PTPRT: variants seen among roughly 807,000 people sequenced by gnomAD.
The protein encoded by PTPRT is protein tyrosine phosphatase receptor type T.
In PTPRT, 56 loss-of-function variants were observed where a neutral mutation model predicts 176.8. The observed-to-expected ratio is 0.32, with a 90% confidence interval of 0.26 to 0.40. The LOEUF (loss-of-function observed/expected upper bound fraction) is 0.40, where lower values mean the gene tolerates loss of function less well. Among genes scored for constraint, PTPRT ranks in the 10% least tolerant of loss-of-function variants. The pLI is 1.00. For missense variants in PTPRT, 1,540 were observed against 1,908.2 expected, an observed-to-expected ratio of 0.81 and a Z score of 3.60; for synonymous variants, 783 against 739.0, an observed-to-expected ratio of 1.06 and a Z score of -0.96.
intron 1 of PTPRT, among the ~76,000 whole-genome samples, chr20:42,956,985 A>G (rs1430033606): frequency 6.6e-6 from 1 of 152,198 alleles, no homozygotes; most frequent in Non-Finnish European, 1.5e-5. Context: ...CCCATTGGAA[A>G]TGCAGATTTC....
chr20:42,799,850 G>C (rs2077504678), intron 2 of PTPRT, among the ~76,000 whole-genome samples: 1 of 152,192 alleles, frequency 6.6e-6, no homozygotes, highest in Admixed American at 6.5e-5. Flanking sequence ...ACAGAAGTCT[G>C]TTTCCAAGAC....
intron 6 of PTPRT, among the ~76,000 whole-genome samples, chr20:42,726,175 G>A (rs981799038): frequency 1.3e-5 from 2 of 151,820 alleles, no homozygotes; most frequent in Non-Finnish European, 2.9e-5. Context: ...TGCGTCCCAG[G>A]TTCAAGCAAT....
At chr20:42,217,848 T>C (rs2055810152) in intron 15 of PTPRT, among the ~76,000 whole-genome samples, 2 of 152,232 alleles carry the variant, frequency 1.3e-5, no homozygotes, top group South Asian at 4.1e-4. Context: ...ATGTAACAGT[T>C]TAACATTTAG....
At chr20:42,801,324 C>T (rs537447427) in intron 2 of PTPRT, among the ~76,000 whole-genome samples, 3 of 152,068 alleles carry the variant, frequency 2.0e-5, no homozygotes, top group Non-Finnish European at 4.4e-5. Flanking sequence ...CCACAGCACC[C>T]GCCCCTCAAA....
At chr20:42,061,835 G>A in the PTPRT span, among the ~76,000 whole-genome samples, 4,345 of 152,320 alleles carry the variant, frequency 0.029, 213 homozygotes, top group African/African-American at 0.099. Context: ...GGAATTGCAC[G>A]CTTGCGTGGT....
chr20:42,530,316 C>A (rs118154260), intron 7 of PTPRT, among the ~76,000 whole-genome samples: 1 of 152,150 alleles, frequency 6.6e-6, no homozygotes, highest in South Asian at 2.1e-4. Context: ...AGTCACCCAG[C>A]GATTCATTGC....
At chr20:43,126,566 A>C (rs2146369124) in intron 1 of PTPRT, among the ~76,000 whole-genome samples, 1 of 152,182 alleles carries the variant, frequency 6.6e-6, no homozygotes, top group East Asian at 1.9e-4. Context: ...TTTCACCTGA[A>C]CTCTGTAGTT....
intron 1 of PTPRT, among the ~76,000 whole-genome samples, chr20:42,933,685 T>C (rs116578935): frequency 2.1e-3 from 321 of 152,334 alleles, no homozygotes; most frequent in African/African-American, 7.2e-3. Flanking sequence ...TACCAGCTCA[T>C]GCCACCAACC....
intron 11 of PTPRT, among the ~76,000 whole-genome samples, chr20:42,346,705 A>C (rs1205973107): frequency 2.6e-5 from 4 of 152,184 alleles, no homozygotes; most frequent in African/African-American, 9.6e-5. Context: ...TCAGAGGAGC[A>C]GTAAGTGGCA....
chr20:42,100,711 TCACA>T (rs953588359), intron 26 of PTPRT, among the ~76,000 whole-genome samples: 27 of 152,296 alleles, frequency 1.8e-4, no homozygotes, highest in African/African-American at 5.8e-4. Flanking sequence ...CTCATCACAC[TCACA>T]CACATAATGC....
At chr20:43,147,518 C>T (rs1355556510) in intron 1 of PTPRT, among the ~76,000 whole-genome samples, 1 of 152,096 alleles carries the variant, frequency 6.6e-6, no homozygotes, top group East Asian at 1.9e-4. Flanking sequence ...GCCTGGTGCT[C>T]CATAAATGTT....
chr20:42,547,897 C>G (rs1225921242), intron 7 of PTPRT, among the ~76,000 whole-genome samples: 1 of 151,820 alleles, frequency 6.6e-6, no homozygotes, highest in Non-Finnish European at 1.5e-5. Context: ...AATATCAACT[C>G]CAGAAAATCA....
chr20:42,883,894 CCATA>C (rs1485307234), intron 2 of PTPRT, among the ~76,000 whole-genome samples: 3 of 147,800 alleles, frequency 2.0e-5, no homozygotes, highest in Admixed American at 6.7e-5. Context: ...CAATACACCC[CCATA>C]CACACACACA....
intron 1 of PTPRT, among the ~76,000 whole-genome samples, chr20:43,032,675 C>T (rs1318224197): frequency 3.9e-5 from 6 of 152,108 alleles, no homozygotes; most frequent in Admixed American, 2.6e-4. Flanking sequence ...CCCCGCAGAG[C>T]GTCAGGCCTG....
chr20:43,185,066 C>T (rs1252693794), intron 1 of PTPRT, among the ~76,000 whole-genome samples: 1 of 152,164 alleles, frequency 6.6e-6, no homozygotes, highest in African/African-American at 2.4e-5. Flanking sequence ...AAATATGTGG[C>T]TTTCTTCCTC....
chr20:42,270,367 CT>C, intron 13 of PTPRT: 15 of 1,382,032 alleles, frequency 1.1e-5, no homozygotes, highest in African/African-American at 1.4e-5. Context: ...CAACTCTCCC[CT>C]CCCACCCGCC....
At chr20:43,153,082 G>T (rs1232068525) in intron 1 of PTPRT, among the ~76,000 whole-genome samples, 1 of 152,136 alleles carries the variant, frequency 6.6e-6, no homozygotes, top group African/African-American at 2.4e-5. Flanking sequence ...AAGACCAAGG[G>T]GCATTTACCT....
At chr20:42,600,065 A>T (rs1008976997) in intron 7 of PTPRT, among the ~76,000 whole-genome samples, 5 of 152,160 alleles carry the variant, frequency 3.3e-5, no homozygotes, top group Admixed American at 6.5e-5. Context: ...CTCAGTCATC[A>T]TCTGTCCTGG....
intron 11 of PTPRT, among the ~76,000 whole-genome samples, chr20:42,348,209 T>C (rs2058223315): frequency 6.6e-6 from 1 of 152,088 alleles, no homozygotes; most frequent in Admixed American, 6.5e-5. Flanking sequence ...TGGGTGGCAT[T>C]GGTTAGTCAC....
Sources: gnomAD v4.1 joint callset for allele counts (sites outside exome capture counted in the v4.1 genomes callset) on GRCh38, gnomAD v4.1.1 for gene constraint, MANE v1.5 for transcripts, NCBI Gene and HGNC (gene_info 2026-07-23, HGNC 2026-07-21) for gene names.